DPYD: variants seen among roughly 807,000 people sequenced by gnomAD.
The protein encoded by DPYD is dihydropyrimidine dehydrogenase.
In DPYD, 109 loss-of-function variants were observed where a neutral mutation model predicts 116.2. The observed-to-expected ratio is 0.94, with a 90% confidence interval of 0.80 to 1.10. The LOEUF is 1.10. Among genes scored for constraint, DPYD ranks in the 50% least tolerant of loss-of-function variants. The pLI is 0.00. For synonymous variants in DPYD, 440 were observed against 432.0 expected, an observed-to-expected ratio of 1.02 and a Z score of -0.23; for missense variants, 1,302 against 1,254.5, an observed-to-expected ratio of 1.04 and a Z score of -0.57.
chr1:97,156,239 G>A (rs999044550), intron 20 of DPYD, among the ~76,000 whole-genome samples: 1 of 152,122 alleles, frequency 6.6e-6, no homozygotes, highest in Non-Finnish European at 1.5e-5. Flanking sequence ...ACAGGAGCTT[G>A]ATTTTCCCTT....
chr1:97,868,524 G>T (rs1212769181), intron 2 of DPYD, among the ~76,000 whole-genome samples: 2 of 151,772 alleles, frequency 1.3e-5, no homozygotes, highest in Non-Finnish European at 2.9e-5. Flanking sequence ...GTACTACTTA[G>T]TGAGCATTTA....
At chr1:97,586,908 T>C (rs1654166154) in intron 10 of DPYD, among the ~76,000 whole-genome samples, 1 of 152,170 alleles carries the variant, frequency 6.6e-6, no homozygotes, top group Non-Finnish European at 1.5e-5. Context: ...GCTGTCACTC[T>C]GTGAAGAAAT....
intron 11 of DPYD, among the ~76,000 whole-genome samples, chr1:97,563,796 G>C (rs1339820778): frequency 1.3e-5 from 2 of 152,124 alleles, no homozygotes; most frequent in African/African-American, 2.4e-5. Context: ...ACTGTTATCA[G>C]TTTGACCTCC....
chr1:97,893,806 AGT>A (rs759683825), intron 1 of DPYD, among the ~76,000 whole-genome samples: 1 of 151,644 alleles, frequency 6.6e-6, no homozygotes, highest in Non-Finnish European at 1.5e-5. Flanking sequence ...TGCAAGGCCC[AGT>A]GTGTGACTCT....
chr1:97,723,017 A>C (rs1179882231), intron 4 of DPYD, among the ~76,000 whole-genome samples: 1 of 151,612 alleles, frequency 6.6e-6, no homozygotes, highest in Non-Finnish European at 1.5e-5. Flanking sequence ...AAAATTCAGG[A>C]AAAGAAAAGA....
intron 13 of DPYD, among the ~76,000 whole-genome samples, chr1:97,459,424 T>C (rs969901161): frequency 6.6e-6 from 1 of 152,146 alleles, no homozygotes; most frequent in Non-Finnish European, 1.5e-5. Flanking sequence ...CACCAATTCT[T>C]AGATTCCAGA....
chr1:97,557,919 A>G (rs552426271), intron 11 of DPYD, among the ~76,000 whole-genome samples: 2 of 152,226 alleles, frequency 1.3e-5, no homozygotes, highest in South Asian at 4.1e-4. Flanking sequence ...ATCATCCTCA[A>G]TAAAGCCAAG....
At chr1:97,508,498 A>G (rs1342864996) in intron 13 of DPYD, among the ~76,000 whole-genome samples, 1 of 151,990 alleles carries the variant, frequency 6.6e-6, no homozygotes, top group African/African-American at 2.4e-5. Flanking sequence ...GAAATTGCAC[A>G]TAGAAATATA....
intron 8 of DPYD, among the ~76,000 whole-genome samples, chr1:97,622,523 C>T (rs1240061253): frequency 2.0e-5 from 3 of 151,890 alleles, no homozygotes; most frequent in Admixed American, 6.6e-5. Context: ...TGGATAGACT[C>T]TAGGTAAAAC....
chr1:97,506,735 T>C (rs1327504371), intron 13 of DPYD, among the ~76,000 whole-genome samples: 3 of 152,036 alleles, frequency 2.0e-5, no homozygotes, highest in African/African-American at 7.2e-5. Context: ...GTGGTGAAGA[T>C]GTAATTATAT....
At chr1:97,474,956 T>C (rs1167590971) in intron 13 of DPYD, among the ~76,000 whole-genome samples, 1 of 152,016 alleles carries the variant, frequency 6.6e-6, no homozygotes, top group East Asian at 1.9e-4. Context: ...CTAGAAAAGT[T>C]AAGAAAATGT....
intron 5 of DPYD, among the ~76,000 whole-genome samples, chr1:97,704,788 AACTG>A (rs1434030453): frequency 6.6e-6 from 1 of 151,996 alleles, no homozygotes; most frequent in Non-Finnish European, 1.5e-5. Flanking sequence ...GTTGTCCATC[AACTG>A]ACTAATATTC....
intron 20 of DPYD, among the ~76,000 whole-genome samples, chr1:97,187,071 C>CT (rs1448694155): frequency 3.3e-5 from 5 of 151,972 alleles, no homozygotes; most frequent in Non-Finnish European, 7.4e-5. Context: ...GTAATGATGT[C>CT]TTTTCCTTTG....
chr1:97,088,446 A>C (rs1019306611), intron 21 of DPYD, among the ~76,000 whole-genome samples: 2 of 152,232 alleles, frequency 1.3e-5, no homozygotes, highest in Non-Finnish European at 2.9e-5. Flanking sequence ...AAGGCAATTC[A>C]ATAATTTTTC....
chr1:97,777,916 G>A (rs2101192894), intron 3 of DPYD, among the ~76,000 whole-genome samples: 1 of 151,936 alleles, frequency 6.6e-6, no homozygotes, highest in South Asian at 2.1e-4. Context: ...CAAGCACTTT[G>A]GGAGGCCTAG....
chr1:97,215,154 A>G (rs1017858266), intron 19 of DPYD, among the ~76,000 whole-genome samples: 2 of 152,220 alleles, frequency 1.3e-5, no homozygotes, highest in African/African-American at 4.8e-5. Flanking sequence ...GAATCCTCAC[A>G]ACCATACTAC....
chr1:97,199,603 C>T (rs1659065133), intron 19 of DPYD, among the ~76,000 whole-genome samples: 1 of 151,550 alleles, frequency 6.6e-6, no homozygotes, highest in African/African-American at 2.4e-5. Context: ...AAGGCATGGA[C>T]CTTATTTTTA....
At chr1:97,490,016 G>A (rs959176873) in intron 13 of DPYD, among the ~76,000 whole-genome samples, 5 of 151,962 alleles carry the variant, frequency 3.3e-5, no homozygotes, top group Non-Finnish European at 5.9e-5. Context: ...TCCTGGTTGC[G>A]CAAGTCACTA....
At chr1:97,173,267 T>C (rs561768365) in intron 20 of DPYD, among the ~76,000 whole-genome samples, 11 of 148,154 alleles carry the variant, frequency 7.4e-5, no homozygotes, top group East Asian at 3.9e-4. Context: ...CACACATATG[T>C]ACATATATAT....
Sources: gnomAD v4.1 joint callset for allele counts (sites outside exome capture counted in the v4.1 genomes callset) on GRCh38, gnomAD v4.1.1 for gene constraint, MANE v1.5 for transcripts, NCBI Gene and HGNC (gene_info 2026-07-23, HGNC 2026-07-21) for gene names.